DAAM2: variants seen among roughly 807,000 people sequenced by gnomAD.
DAAM2 encodes disheveled-associated activator of morphogenesis 2.
DAAM2 carries 39 observed loss-of-function variants against 120.7 expected under a neutral mutation model. The observed-to-expected ratio is 0.32, with a 90% CI of 0.25 to 0.42. DAAM2 has a LOEUF of 0.42. Among genes scored for constraint, DAAM2 ranks in the 10% least tolerant of loss-of-function variants. The pLI is 1.00. For missense variants in DAAM2, 1,283 were observed against 1,401.7 expected (o/e 0.92, Z 1.35); for synonymous variants, 488 against 524.9 (o/e 0.93, Z 0.96).
At chr6:39,805,646 C>A (rs1399316453) in intron 1 of DAAM2, among the ~76,000 whole-genome samples, 1 of 151,806 alleles carries the variant, frequency 6.6e-6, no homozygotes, top group African/African-American at 2.4e-5. Context: ...CCTCTGCCTC[C>A]TGGGTTCAAG....
At chr6:39,861,184 C>A (rs1315851087) in intron 3 of DAAM2, 167 bp downstream of exon 3, 1 of 698,052 alleles carries the variant, frequency 1.4e-6, no homozygotes, top group Admixed American at 2.0e-5. Context: ...TTCTGCTGTC[C>A]TGGAGCTTAC....
intron 7 of DAAM2, among the ~76,000 whole-genome samples, chr6:39,869,881 T>C (rs1469502740): frequency 6.6e-6 from 1 of 151,794 alleles, no homozygotes; most frequent in African/African-American, 2.4e-5. Flanking sequence ...CACCTTTTCA[T>C]GGCTGGCATG....
intron 8 of DAAM2, 111 bp from the exon 9 acceptor site, chr6:39,871,395 G>C: frequency 9.7e-7 from 1 of 1,035,638 alleles, no homozygotes; most frequent in Non-Finnish European, 1.5e-6. Context: ...CATTTTGCTT[G>C]AATGAAGCTT....
intron 19 of DAAM2, among the ~76,000 whole-genome samples, chr6:39,894,317 G>GA (rs1765933667): frequency 6.6e-6 from 1 of 152,038 alleles, no homozygotes; most frequent in African/African-American, 2.4e-5. Context: ...ATAAACCTTA[G>GA]AAAAAACATC....
rs138414131 is a variant in DAAM2 at position 39,815,439 on chromosome 6, C to A, written c.-57+22974C>A. 2.6e-3 allele frequency among the ~76,000 whole-genome samples: 392 copies of A among 152,312 alleles called. 3 individuals are homozygous for A. The highest frequency in any genetic ancestry group is 8.4e-3 in the African/African-American group (350 of 41,576). ...CAAGTGGCATAAATTCCCTCTGCTG[C>A]AGACCTCTTATCCCTAATATGAAAT... On this transcript the variant is annotated intron_variant, in intron 1 of 24. Transcript: ENST00000274867.
Position 39,902,598 on chromosome 6 carries a change from G to C in DAAM2, c.*561G>C, listed in dbSNP as rs1438263608. The C allele has an allele frequency of 6.6e-6, 1 of 152,342 alleles. No homozygotes were observed. The highest frequency in any genetic ancestry group is 1.9e-4 in the East Asian group (1 of 5,198). The allele number at this position is 152,342 out of a possible 1,614,324, so 9.4% of individuals were successfully genotyped here. A position where few individuals can be genotyped will look rare whatever the true frequency, so the allele number is the denominator to read the frequency against. ...TAGATCAGCTCTGGTAGGTTCCAGA[G>C]AACAGTCAATGTTGGAAGGATGATG... On this transcript the variant is annotated 3_prime_UTR_variant, in exon 25 of 25. Coordinates refer to ENST00000274867, the MANE Select transcript of DAAM2 (RefSeq NM_001201427.2).
intron 1 of DAAM2, among the ~76,000 whole-genome samples, chr6:39,831,858 GT>G (rs1762914660): frequency 2.0e-5 from 2 of 99,496 alleles, no homozygotes; most frequent in African/African-American, 4.0e-5. Context: ...GGGGAGGCAG[GT>G]GTACCGAGGG....
At chr6:39,868,325 G>A (rs1424180755) in intron 6 of DAAM2, 3 of 223,540 alleles carry the variant, frequency 1.3e-5, no homozygotes, top group African/African-American at 6.7e-5. Flanking sequence ...GCCCAGAGAA[G>A]TATCAGTGAG....
At chr6:39,882,175 T>C (rs1231195727) in intron 14 of DAAM2, 2 of 152,218 alleles carry the variant, frequency 1.3e-5, no homozygotes, top group African/African-American at 4.8e-5. Flanking sequence ...TTGAAAATTA[T>C]GCAAGGTGGG....
chr6:39,812,485 C>T (rs1337095961), intron 1 of DAAM2, among the ~76,000 whole-genome samples: 3 of 152,082 alleles, frequency 2.0e-5, no homozygotes, highest in East Asian at 1.9e-4. Context: ...CTTTCTGTAC[C>T]GTACCCCAAT....
At chr6:39,845,249 A>G (rs895676353) in intron 1 of DAAM2, among the ~76,000 whole-genome samples, 1 of 126,660 alleles carries the variant, frequency 7.9e-6, no homozygotes, top group Non-Finnish European at 1.7e-5. Flanking sequence ...CATTACACAC[A>G]TATCGCACAT....
At chr6:39,890,880 G>A (rs1375210433) in intron 17 of DAAM2, among the ~76,000 whole-genome samples, 1 of 152,006 alleles carries the variant, frequency 6.6e-6, no homozygotes, top group Non-Finnish European at 1.5e-5. Context: ...CTTGAGCTCG[G>A]GAGGTAAAGA....
intron 1 of DAAM2, among the ~76,000 whole-genome samples, chr6:39,815,555 T>A (rs1391239228): frequency 2.0e-5 from 3 of 151,966 alleles, no homozygotes; most frequent in African/African-American, 7.3e-5. Context: ...CATAGTAAGC[T>A]CACAGGAAAC....
At chr6:39,873,527 C>T (rs954457129) in intron 10 of DAAM2, among the ~76,000 whole-genome samples, 172 bp downstream of exon 10, 11 of 152,224 alleles carry the variant, frequency 7.2e-5, no homozygotes, top group South Asian at 2.1e-4. Context: ...TCCTTCCCTC[C>T]TTGGGGTCAG....
chr6:39,870,865 A>G (rs1562041586), intron 8 of DAAM2, among the ~76,000 whole-genome samples: 1 of 152,218 alleles, frequency 6.6e-6, no homozygotes, highest in Non-Finnish European at 1.5e-5. Flanking sequence ...TGTTGATCCA[A>G]GGGCACAATT....
intron 1 of DAAM2, among the ~76,000 whole-genome samples, chr6:39,825,242 T>C (rs1762624422): frequency 6.6e-6 from 1 of 151,722 alleles, no homozygotes; most frequent in Admixed American, 6.6e-5. Flanking sequence ...ATACAAAAAT[T>C]AGCCAGGCAT....
At chr6:39,887,694 T>A (rs376089299) in intron 16 of DAAM2, 102 bp downstream of exon 16, 3 of 767,498 alleles carry the variant, frequency 3.9e-6, no homozygotes, top group Non-Finnish European at 6.5e-6. Flanking sequence ...TGCTGTCCCC[T>A]GGGAGGGGCA....
At chr6:39,827,493 G>T (rs1310477371) in intron 1 of DAAM2, among the ~76,000 whole-genome samples, 4 of 152,140 alleles carry the variant, frequency 2.6e-5, no homozygotes, top group Non-Finnish European at 5.9e-5. Context: ...TTGGGTCTGG[G>T]TTTGTGGAAT....
At chr6:39,865,161 TC>T (rs1764375290) in intron 5 of DAAM2, 87 bp downstream of exon 5, 2 of 797,004 alleles carry the variant, frequency 2.5e-6, no homozygotes, top group Non-Finnish European at 2.1e-6. Context: ...AGTGCTCTGC[TC>T]CCATGCCGGT....
Sources: gnomAD v4.1 joint callset for allele counts (sites outside exome capture counted in the v4.1 genomes callset) on GRCh38, gnomAD v4.1.1 for gene constraint, MANE v1.5 for transcripts, NCBI Gene and HGNC (gene_info 2026-07-23, HGNC 2026-07-21) for gene names.